POU6F2: variants seen among roughly 807,000 people sequenced by gnomAD.
The protein encoded by POU6F2 is POU domain, class 6, transcription factor 2.
POU6F2 carries 31 observed loss-of-function variants against 71.3 expected under a neutral mutation model. The observed-to-expected ratio is 0.43, with a 90% CI of 0.33 to 0.59. POU6F2 has a LOEUF of 0.59. POU6F2 is among the 20% of genes least tolerant of loss of function. The probability of loss-of-function intolerance (pLI) is 0.04; values close to 1 mark genes in which losing one functional copy is unlikely to be tolerated. For missense variants in POU6F2, 783 were observed against 856.8 expected (o/e 0.91, Z 1.07); for synonymous variants, 347 against 355.7 (o/e 0.98, Z 0.27).
chr7:39,136,213 A>C (rs1052023383), intron 2 of POU6F2, among the ~76,000 whole-genome samples: 2 of 152,222 alleles, frequency 1.3e-5, no homozygotes, highest in African/African-American at 4.8e-5. Context: ...ATAGGGGACT[A>C]TCTGGTTGGC....
chr7:39,134,635 G>A (rs994229213), intron 2 of POU6F2, among the ~76,000 whole-genome samples: 1 of 152,142 alleles, frequency 6.6e-6, no homozygotes, highest in Non-Finnish European at 1.5e-5. Flanking sequence ...GGTGCTTGAA[G>A]CCATCTTCCA....
chr7:39,037,373 C>G (rs1790089638), intron 1 of POU6F2, among the ~76,000 whole-genome samples: 2 of 151,968 alleles, frequency 1.3e-5, no homozygotes, highest in African/African-American at 4.8e-5. Context: ...CTCAGCAGCA[C>G]CCTGGGTCTC....
chr7:39,285,630 C>A (rs1270109148), intron 4 of POU6F2, among the ~76,000 whole-genome samples: 2 of 152,032 alleles, frequency 1.3e-5, no homozygotes, highest in Non-Finnish European at 1.5e-5. Flanking sequence ...CAGGTAAGGA[C>A]CAAAAACCTT....
chr7:39,389,047 A>T (rs1309434717), intron 5 of POU6F2, among the ~76,000 whole-genome samples: 1 of 152,010 alleles, frequency 6.6e-6, no homozygotes, highest in Non-Finnish European at 1.5e-5. Context: ...CTCCTCAAGA[A>T]GATGTTTGTC....
intron 2 of POU6F2, among the ~76,000 whole-genome samples, chr7:39,109,599 A>C (rs1791762769): frequency 6.6e-6 from 1 of 152,154 alleles, no homozygotes; most frequent in Admixed American, 6.5e-5. Context: ...TGAGCTTATA[A>C]TATTTTTATA....
intron 2 of POU6F2, among the ~76,000 whole-genome samples, chr7:39,194,831 C>G (rs185513195): frequency 6.6e-6 from 1 of 152,180 alleles, no homozygotes; most frequent in African/African-American, 2.4e-5. Context: ...CACGAACCCC[C>G]CCGGGGAGGA....
chr7:39,372,717 G>T (rs995831757), intron 5 of POU6F2, among the ~76,000 whole-genome samples: 2 of 152,098 alleles, frequency 1.3e-5, no homozygotes, highest in African/African-American at 4.8e-5. Flanking sequence ...TAAAATTAAC[G>T]ATCACCAGGG....
chr7:39,387,483 A>G (rs1194695018), intron 5 of POU6F2, among the ~76,000 whole-genome samples: 1 of 152,218 alleles, frequency 6.6e-6, no homozygotes, highest in Non-Finnish European at 1.5e-5. Context: ...CTACAGTTCC[A>G]TTACGTCTCT....
intron 5 of POU6F2, among the ~76,000 whole-genome samples, chr7:39,350,483 A>T (rs765987999): frequency 6.6e-6 from 1 of 152,164 alleles, no homozygotes; most frequent in Non-Finnish European, 1.5e-5. Flanking sequence ...TTAAAAAAGG[A>T]ATATTCCTTA....
chr7:39,267,843 A>C (rs989545788), intron 4 of POU6F2, among the ~76,000 whole-genome samples: 2 of 152,130 alleles, frequency 1.3e-5, no homozygotes, highest in East Asian at 1.9e-4. Flanking sequence ...TTCATTCCTC[A>C]TGTCAGAATT....
intron 2 of POU6F2, among the ~76,000 whole-genome samples, chr7:39,087,906 G>A (rs180761245): frequency 1.3e-5 from 2 of 152,176 alleles, no homozygotes; most frequent in African/African-American, 2.4e-5. Context: ...ATTTGCATGT[G>A]TAGAGAAAAA....
At chr7:39,219,632 G>A (rs887019678) in intron 4 of POU6F2, among the ~76,000 whole-genome samples, 1 of 152,126 alleles carries the variant, frequency 6.6e-6, no homozygotes, top group Non-Finnish European at 1.5e-5. Flanking sequence ...CGTAATCTCT[G>A]AAAAATACTT....
rs371372187 is a variant in POU6F2 at position 38,979,469 on chromosome 7, T to C, written c.105+1411T>C. On this transcript the variant is annotated intron_variant, in intron 1 of 9. Transcript: ENST00000518318. ...ACACTATTTTAAAAGAAGTAGATATTTGCTTCGACAGAGAAATATTTTTTA... is the reference window on the plus strand; with the variant it reads ...ACACTATTTTAAAAGAAGTAGATATCTGCTTCGACAGAGAAATATTTTTTA... Among the ~76,000 whole-genome samples, 229 of 152,312 alleles carry C rather than the reference T, an allele frequency of 1.5e-3. 2 individuals are homozygous for C. The highest frequency in any genetic ancestry group is 3.5e-3 in the South Asian group (17 of 4,826).
chr7:39,070,099 G>A (rs1430329448), intron 1 of POU6F2, among the ~76,000 whole-genome samples: 15 of 152,142 alleles, frequency 9.9e-5, no homozygotes, highest in African/African-American at 3.6e-4. Context: ...AAGCCTGACA[G>A]GCAAGAAGGA....
chr7:39,420,604 T>C (rs934153303), intron 6 of POU6F2, among the ~76,000 whole-genome samples: 3 of 152,218 alleles, frequency 2.0e-5, no homozygotes, highest in African/African-American at 7.2e-5. Flanking sequence ...AAACATTGCT[T>C]AAAATGCTCC....
chr7:39,288,536 T>C (rs1178980161), intron 4 of POU6F2, among the ~76,000 whole-genome samples: 1 of 152,240 alleles, frequency 6.6e-6, no homozygotes, highest in African/African-American at 2.4e-5. Flanking sequence ...ATTGCAATGC[T>C]TTTTGGAGAT....
rs369698878 is a variant in POU6F2, at chr7:39,239,514, A to G, written c.598+31894A>G. ...TGCTGCTACAGATGATACTGGGAGT[A>G]TTATTAATATGTGGTATATGTTTTC... is the stretch of plus-strand genomic sequence containing the variant. On this transcript the variant is annotated intron_variant, in intron 4 of 9. Coordinates refer to ENST00000518318, the MANE Select transcript of POU6F2 (RefSeq NM_001370959.1). 1.9e-4 allele frequency among the ~76,000 whole-genome samples: 29 copies of G among 152,274 alleles called. No homozygotes were observed. In the South Asian group the frequency reaches 4.1e-3, roughly 22 times the overall value.
intron 2 of POU6F2, among the ~76,000 whole-genome samples, chr7:39,156,625 G>A (rs1792875512): frequency 6.6e-6 from 1 of 151,538 alleles, no homozygotes; most frequent in Admixed American, 6.6e-5. Flanking sequence ...CTTCCTTCTA[G>A]ATTTTTCGAG....
intron 2 of POU6F2, among the ~76,000 whole-genome samples, chr7:39,123,680 CT>C (rs1792089015): frequency 6.6e-6 from 1 of 152,046 alleles, no homozygotes; most frequent in Non-Finnish European, 1.5e-5. Context: ...TTCAGGATGT[CT>C]TGGGTATTTT....
Sources: allele counts gnomAD v4.1 joint callset (sites outside exome capture counted in the v4.1 genomes callset), GRCh38; gene constraint gnomAD v4.1.1; transcripts MANE v1.5; gene names NCBI Gene and HGNC (gene_info 2026-07-23, HGNC 2026-07-21).